Variants in MEAF6 observed in about 807,000 individuals in gnomAD.
The protein encoded by MEAF6 is MYST/Esa1 associated factor 6.
MEAF6 carries 15 observed loss-of-function variants against 28.9 expected under a neutral mutation model. That is an observed-to-expected ratio of 0.52 (90% CI 0.35 to 0.80). The LOEUF is 0.80. MEAF6 is among the 30% of genes least tolerant of loss of function. The pLI, the probability that MEAF6 is intolerant of heterozygous loss-of-function variation, is 0.01. For missense variants in MEAF6, 178 were observed against 237.5 expected (o/e 0.75, Z 1.65); for synonymous variants, 97 against 88.7 (o/e 1.09, Z -0.53).
intron 4 of MEAF6, among the ~76,000 whole-genome samples, chr1:37,506,770 CT>C (rs1021612675): frequency 2.0e-4 from 30 of 152,150 alleles, no homozygotes; most frequent in Non-Finnish European, 1.8e-4. Flanking sequence ...CCTTGAACTC[CT>C]GGGCTCAAGC....
At chr1:37,495,706 A>AC (rs371789033) in intron 6 of MEAF6, among the ~76,000 whole-genome samples, 179 bp downstream of exon 6, 17,605 of 121,094 alleles carry the variant, frequency 0.15, 1,479 homozygotes, top group Non-Finnish European at 0.19. Flanking sequence ...ACAAAAAACA[A>AC]AAAAAAAAAA....
rs555605549 is a variant in MEAF6 at position 37,491,225 on chromosome 1, C to T, written c.*2874G>A. The stretch of plus-strand genomic sequence containing the variant: ...AAGATGTCAAGAATACTCTATATTG[C>T]CAGGTGCCAGGGCTCATGCCTGTAA... On this transcript the variant is annotated 3_prime_UTR_variant, in exon 7 of 7. Transcript: ENST00000296214. Among the ~76,000 whole-genome samples the T allele has an allele frequency of 6.6e-6, 1 of 152,240 alleles. No homozygotes were observed. The highest frequency in any genetic ancestry group is 6.5e-5 in the Admixed American group (1 of 15,290).
chr1:37,506,848 T>C (rs926917347), intron 4 of MEAF6, among the ~76,000 whole-genome samples: 6 of 152,210 alleles, frequency 3.9e-5, no homozygotes, highest in African/African-American at 1.4e-4. Context: ...AGCCAGCCAC[T>C]GCACTCAGCC....
At chr1:37,509,893 C>G (rs138586517) in intron 2 of MEAF6, among the ~76,000 whole-genome samples, 51 of 152,256 alleles carry the variant, frequency 3.3e-4, no homozygotes, top group African/African-American at 1.1e-3. Context: ...TCTCCTGCCT[C>G]AGCCTCCCAA....
At position 37,493,240 on chromosome 1, in the gene MEAF6, A is replaced by G. The variant is rs2148057080; in HGVS notation, c.*859T>C. ...CAAAGAGAGAAAATACAGAAAAAGA[A>G]ATTTCCATAAGGCATGATATGAATA... On this transcript the variant is annotated 3_prime_UTR_variant, in exon 7 of 7. Transcript: ENST00000296214. The G allele has an allele frequency of 6.6e-6, 1 of 152,642 alleles. No homozygotes were observed. Among genetic ancestry groups the G allele is most frequent in the South Asian group, 2.1e-4 (1 of 4,838 alleles). The allele number at this position is 152,642 out of a possible 1,614,324, so 9.5% of individuals were successfully genotyped here. A position where few individuals can be genotyped will look rare whatever the true frequency, so the allele number is the denominator to read the frequency against.
chr1:37,496,726 T>C (rs1569955237), intron 5 of MEAF6: 1 of 1,602,810 alleles, frequency 6.2e-7, no homozygotes, highest in Non-Finnish European at 8.5e-7. Context: ...TAATCAAACA[T>C]GCCAGACGGG....
chr1:37,506,682 T>G (rs1000126373), intron 4 of MEAF6, among the ~76,000 whole-genome samples: 1 of 152,142 alleles, frequency 6.6e-6, no homozygotes, highest in African/African-American at 2.4e-5. Flanking sequence ...CTCGCCAGCC[T>G]TTTCAGGTTT....
intron 5 of MEAF6, among the ~76,000 whole-genome samples, chr1:37,496,335 C>T (rs1642128511): frequency 6.6e-6 from 1 of 152,170 alleles, no homozygotes; most frequent in Non-Finnish European, 1.5e-5. Flanking sequence ...TATTTCTGAA[C>T]ACGAAACACA....
intron 4 of MEAF6, among the ~76,000 whole-genome samples, chr1:37,507,358 A>G (rs773554530): frequency 5.3e-5 from 8 of 151,828 alleles, no homozygotes; most frequent in African/African-American, 1.9e-4. Context: ...GTCAGATATC[A>G]TTCCATCTCA....
At chr1:37,505,588 G>C (rs1642454815) in intron 4 of MEAF6, among the ~76,000 whole-genome samples, 1 of 152,074 alleles carries the variant, frequency 6.6e-6, no homozygotes, top group African/African-American at 2.4e-5. Flanking sequence ...CCAAAAGATT[G>C]GACTCCCTGC....
At chr1:37,513,778 GA>G in intron 1 of MEAF6, 1 of 569,450 alleles carries the variant, frequency 1.8e-6, no homozygotes, top group Non-Finnish European at 3.1e-6. Context: ...ACACACACGC[GA>G]AATTTTGCAT....
At chr1:37,512,992 C>G (rs898380857) in intron 2 of MEAF6, among the ~76,000 whole-genome samples, 1 of 152,030 alleles carries the variant, frequency 6.6e-6, no homozygotes. Context: ...GAGTTCGAGA[C>G]CAGCCAGGCC....
At chr1:37,512,662 G>A (rs1642706940) in intron 2 of MEAF6, among the ~76,000 whole-genome samples, 1 of 152,178 alleles carries the variant, frequency 6.6e-6, no homozygotes, top group Non-Finnish European at 1.5e-5. Flanking sequence ...AGCTGAGGCA[G>A]GAGGACTGCT....
At chr1:37,501,607 G>C (rs927329809) in intron 5 of MEAF6, 197 bp downstream of exon 5, 1 of 450,628 alleles carries the variant, frequency 2.2e-6, no homozygotes, top group Non-Finnish European at 3.9e-6. Context: ...GAATGTCCTG[G>C]AGTCTTCCTT....
chr1:37,496,824 T>C (rs911191863), intron 5 of MEAF6: 1 of 1,362,654 alleles, frequency 7.3e-7, no homozygotes, highest in African/African-American at 1.5e-5. Context: ...TAGCAAGAAT[T>C]GTAGAAACAA....
At chr1:37,502,950 C>T (rs1033433886) in intron 4 of MEAF6, among the ~76,000 whole-genome samples, 8 of 150,090 alleles carry the variant, frequency 5.3e-5, no homozygotes, top group South Asian at 4.2e-4. Context: ...CATTTTATTT[C>T]GAGACAAGAT....
rs35576307 is a variant in MEAF6 at position 37,498,409 on chromosome 1, TTTATTATTA to T, written c.534-2500_534-2492del. On this transcript the variant is annotated intron_variant, in intron 5 of 6. Transcript: ENST00000296214. ...ACTTATAAGAGTAGCTATGTTATTT[TTTATTATTA>T]TTATTATTATTATTATTATTATTAT... 9.9e-4 allele frequency among the ~76,000 whole-genome samples: 121 copies of T among 122,524 alleles called. 1 individual carries two copies. In the East Asian group the frequency reaches 0.011, roughly 11 times the overall value. The allele number at this position is 122,524 out of a possible 152,430, so 80.4% of individuals were successfully genotyped here.
At chr1:37,496,887 G>A (rs1321002548) in intron 5 of MEAF6, 1 of 743,782 alleles carries the variant, frequency 1.3e-6, no homozygotes, top group Admixed American at 3.9e-5. Flanking sequence ...AAGCACCAAA[G>A]ATTTTGTGGT....
chr1:37,514,627 T>G lies in MEAF6; in HGVS notation c.90+30A>C, dbSNP rs777237903. On this transcript the variant is annotated intron_variant, in intron 1 of 6. Coordinates refer to ENST00000296214, the MANE Select transcript of MEAF6 (RefSeq NM_001270875.3). ...GAGGCGGGGCGGGCGCGGAGCCCCA[T>G]GCCGTGCAACCCCTGTCCTAGCCCC... 11 of 1,470,096 alleles carry G rather than the reference T, an allele frequency of 7.5e-6. No individual in the cohort carries two copies. In the East Asian group the frequency reaches 2.8e-4, roughly 37 times the overall value. 91.1% of individuals were successfully genotyped at this position (1,470,096 alleles called of 1,614,324 possible).
Sources: allele counts gnomAD v4.1 joint callset (sites outside exome capture counted in the v4.1 genomes callset), GRCh38; gene constraint gnomAD v4.1.1; transcripts MANE v1.5; gene names NCBI Gene and HGNC (gene_info 2026-07-23, HGNC 2026-07-21).